The following MAML3 variants were observed in gnomAD, a reference collection of about 807,000 sequenced individuals.
MAML3 encodes mastermind-like protein 3.
A neutral mutation model predicts 101.9 loss-of-function variants in MAML3; 27 were observed. That is an observed-to-expected ratio of 0.27 (90% CI 0.20 to 0.37). MAML3 has a LOEUF of 0.37. MAML3 is among the 10% of genes least tolerant of loss of function. The pLI, the probability that MAML3 is intolerant of heterozygous loss-of-function variation, is 1.00. For synonymous variants in MAML3, 501 were observed against 555.9 expected (o/e 0.90, Z 1.39); for missense variants, 1,316 against 1,444.9 (o/e 0.91, Z 1.45).
intron 1 of MAML3, among the ~76,000 whole-genome samples, chr4:140,104,382 TATATATTATATATTATATAATATATA>T (rs1728305780): frequency 7.5e-5 from 3 of 39,910 alleles, no homozygotes; most frequent in Non-Finnish European, 1.5e-4. Context: ...ATATAATATA[TATATATTATATATTATATAATATATA>T]ATATAATATA....
At chr4:139,872,966 A>G (rs1009286372) in intron 2 of MAML3, among the ~76,000 whole-genome samples, 1 of 152,116 alleles carries the variant, frequency 6.6e-6, no homozygotes, top group African/African-American at 2.4e-5. Flanking sequence ...CTGTAATCCC[A>G]GCTACTCAGG....
At chr4:139,877,684 T>A (rs1732142011) in intron 2 of MAML3, among the ~76,000 whole-genome samples, 2 of 152,164 alleles carry the variant, frequency 1.3e-5, no homozygotes, top group Non-Finnish European at 2.9e-5. Flanking sequence ...GAAAACTTTT[T>A]AAAAAATAGC....
At chr4:139,990,232 A>G (rs1290485409) in intron 1 of MAML3, among the ~76,000 whole-genome samples, 2 of 152,214 alleles carry the variant, frequency 1.3e-5, no homozygotes, top group African/African-American at 4.8e-5. Context: ...CCTGGGATGC[A>G]AGGCTGGTTC....
intron 1 of MAML3, among the ~76,000 whole-genome samples, chr4:139,926,163 G>A (rs1733223573): frequency 6.6e-6 from 1 of 152,126 alleles, no homozygotes; most frequent in Non-Finnish European, 1.5e-5. Context: ...TTTTGCTCAC[G>A]CTGTCAGACC....
At position 140,153,226 on chromosome 4, in the gene MAML3, A is replaced by T; in HGVS notation, c.102T>A (p.Asn34Lys). 6.3e-7 allele frequency: 1 copy of T among 1,576,626 alleles called. No homozygotes were observed. The highest frequency in any genetic ancestry group is 8.6e-7 in the Non-Finnish European group (1 of 1,160,218). Residue 34 changes from asparagine to lysine, a missense_variant, in exon 1 of 5, where the codon AAT (asparagine) becomes AAA (lysine). Physicochemically the swap from Asn to Lys is moderately conservative, Grantham distance 94. Transcript: ENST00000509479. ...SSLGGAGIGV[N>K]NTPNSTPAAP... ...CAGCGGGAGTACTATTGGGAGTATT[A>T]TTCACACCGATCCCGGCCCCGCCGA...
At chr4:139,856,299 T>C (rs1560815380) in intron 2 of MAML3, among the ~76,000 whole-genome samples, 2 of 152,176 alleles carry the variant, frequency 1.3e-5, no homozygotes, top group Non-Finnish European at 2.9e-5. Context: ...TAAGATGAAT[T>C]TAACTTGTCA....
chr4:139,950,898 C>A lies in MAML3; in HGVS notation c.469-59931G>T, dbSNP rs184929019. ...GGCCAGCCTGAAGGGCTTGAAGAGG[C>A]CATCGGGTTACTAAATGGCATTTTG... On this transcript the variant is annotated intron_variant, in intron 1 of 4. Transcript: ENST00000509479. 1.2e-4 allele frequency among the ~76,000 whole-genome samples: 18 copies of A among 152,272 alleles called. No homozygotes were observed. In the East Asian group the frequency reaches 3.1e-3, roughly 26 times the overall value.
intron 1 of MAML3, among the ~76,000 whole-genome samples, chr4:140,128,780 A>G (rs1728730279): frequency 6.6e-6 from 1 of 152,220 alleles, no homozygotes. Context: ...GCAGGGCAAG[A>G]GAAAGAACTA....
chr4:139,720,138 G>C lies in MAML3; in HGVS notation c.2602C>G (p.Gln868Glu), dbSNP rs758198360. ...LAPYSTTPTS[Q>E]PGMYNMSTGM... ...GTGCTCATATTGTACATTCCTGGTT[G>C]GCTGGTAGGCGTGGTGCTATAAGGG... is the stretch of plus-strand genomic sequence containing the variant. The change falls in exon 5 of 5, where the codon CAA becomes GAA. Residue 868 changes from glutamine (Q) to glutamate (E), a missense_variant. By Grantham distance (29) the Gln-to-Glu change is conservative. Coordinates refer to ENST00000509479, the MANE Select transcript of MAML3 (RefSeq NM_018717.5). 5 of 1,614,068 alleles carry C rather than the reference G, an allele frequency of 3.1e-6. No homozygotes were observed. The South Asian group carries it at 5.5e-5, about 18-fold the overall frequency.
chr4:139,826,323 G>A (rs13115376), intron 2 of MAML3, among the ~76,000 whole-genome samples: 3,128 of 152,218 alleles, frequency 0.021, 56 homozygotes, highest in East Asian at 0.048. Flanking sequence ...CTCACAGTGT[G>A]AATTCAGAGT....
intron 1 of MAML3, among the ~76,000 whole-genome samples, chr4:139,999,799 A>G (rs899719444): frequency 4.6e-5 from 7 of 152,240 alleles, no homozygotes; most frequent in Non-Finnish European, 8.8e-5. Context: ...TAAGGGAATA[A>G]AAACACAATT....
chr4:139,725,449 A>C (rs1172233421), intron 4 of MAML3, among the ~76,000 whole-genome samples: 2 of 152,136 alleles, frequency 1.3e-5, no homozygotes, highest in African/African-American at 2.4e-5. Context: ...AAACTATTAC[A>C]ATACTATGTA....
At chr4:140,016,289 A>T (rs1473343953) in intron 1 of MAML3, among the ~76,000 whole-genome samples, 1 of 152,202 alleles carries the variant, frequency 6.6e-6, no homozygotes, top group Non-Finnish European at 1.5e-5. Context: ...ACCAAAGAAG[A>T]TCTAAATAAA....
intron 1 of MAML3, among the ~76,000 whole-genome samples, chr4:140,100,178 T>C (rs1440134931): frequency 6.6e-6 from 1 of 152,048 alleles, no homozygotes; most frequent in Admixed American, 6.6e-5. Context: ...CTCCCATCTG[T>C]AGAGATCACT....
intron 2 of MAML3, among the ~76,000 whole-genome samples, chr4:139,809,865 TACACACAC>T (rs71584333): frequency 8.4e-5 from 12 of 142,946 alleles, no homozygotes; most frequent in South Asian, 2.3e-4. Flanking sequence ...TACCTGCACG[TACACACAC>T]ACACACACAC....
intron 2 of MAML3, among the ~76,000 whole-genome samples, chr4:139,868,795 G>T (rs1731949167): frequency 6.6e-6 from 1 of 151,954 alleles, no homozygotes; most frequent in Non-Finnish European, 1.5e-5. Flanking sequence ...AAAATGAACT[G>T]GTAAAATTTC....
intron 2 of MAML3, 49 bp from the exon 3 acceptor site, chr4:139,730,716 A>C: frequency 1.3e-6 from 2 of 1,530,174 alleles, no homozygotes; most frequent in Non-Finnish European, 1.8e-6. Flanking sequence ...ATAGAGACTC[A>C]CTGCTGTTTG....
intron 1 of MAML3, among the ~76,000 whole-genome samples, chr4:139,978,335 C>T (rs549288153): frequency 6.6e-6 from 1 of 152,232 alleles, no homozygotes; most frequent in East Asian, 1.9e-4. Context: ...AGCACCAACT[C>T]TAGCTGCAGA....
intron 2 of MAML3, among the ~76,000 whole-genome samples, chr4:139,797,661 G>T (rs1439035400): frequency 6.6e-6 from 1 of 152,036 alleles, no homozygotes; most frequent in East Asian, 1.9e-4. Flanking sequence ...GTATATAGAG[G>T]TAAATTGATA....
Sources: gnomAD v4.1 joint callset for allele counts (sites outside exome capture counted in the v4.1 genomes callset) on GRCh38, gnomAD v4.1.1 for gene constraint, MANE v1.5 for transcripts, NCBI Gene and HGNC (gene_info 2026-07-23, HGNC 2026-07-21) for gene names.